The following OSBPL10 variants were observed in gnomAD, a reference collection of about 807,000 sequenced individuals.
OSBPL10 encodes oxysterol binding protein like 10, also known as oxysterol-binding protein-related protein 10.
A neutral mutation model predicts 81.7 loss-of-function variants in OSBPL10; 49 were observed. The observed-to-expected ratio is 0.60, with a 90% CI of 0.48 to 0.76. The LOEUF is 0.76. OSBPL10 is among the 30% of genes least tolerant of loss of function. OSBPL10 has a pLI of 0.00. For synonymous variants in OSBPL10, 419 were observed against 383.6 expected (o/e 1.09, Z -1.08); for missense variants, 923 against 987.8 (o/e 0.93, Z 0.88).
chr3:31,944,121 A>G (rs771097947), intron 1 of OSBPL10, among the ~76,000 whole-genome samples: 1 of 152,134 alleles, frequency 6.6e-6, no homozygotes, highest in Non-Finnish European at 1.5e-5. Flanking sequence ...CACAGCAATG[A>G]ACATTTTCAT....
intron 4 of OSBPL10, among the ~76,000 whole-genome samples, chr3:31,787,594 C>CAAA (rs34814978): frequency 1.6e-5 from 2 of 126,136 alleles, no homozygotes; most frequent in African/African-American, 3.0e-5. Flanking sequence ...GACTCCGCCT[C>CAAA]AAAAAAAAAA....
At position 32,067,854 on chromosome 3, in the gene OSBPL10, A is replaced by C. The variant is rs367785629; in HGVS notation, n.185+9542T>G. Among the ~76,000 whole-genome samples, 136 of 152,296 alleles carry C rather than the reference A, an allele frequency of 8.9e-4. 4 individuals are homozygous for C. The South Asian group carries it at 0.027, about 30-fold the overall frequency. On this transcript the variant is annotated intron_variant and non_coding_transcript_variant, in intron 1 of 3. Coordinates refer to the OSBPL10 transcript ENST00000479173. ...CTCTTTTCAGACTCAGCCTGCCTGC[A>C]CCCACATGAAATAAACAGTCTTGTT...
Position 32,065,959 on chromosome 3 carries a change from GA to G in OSBPL10, n.185+11436del, listed in dbSNP as rs1327880803. The stretch of plus-strand genomic sequence containing the variant: ...AAAGAAGAAAGAAGAAAGAAAGAAA[GA>G]AAGAAAGAAAGAAAGAAAGAAAGAA... On this transcript the variant is annotated intron_variant and non_coding_transcript_variant, in intron 1 of 3. Coordinates refer to the OSBPL10 transcript ENST00000479173. 4.3e-5 allele frequency among the ~76,000 whole-genome samples: 2 copies of G among 46,140 alleles called. 1 individual carries two copies. Among genetic ancestry groups the G allele is most frequent in the Non-Finnish European group, 1.1e-4 (2 of 18,174 alleles). 30.3% of individuals were successfully genotyped at this position (46,140 alleles called of 152,430 possible).
chr3:31,759,603 G>C (rs1249525463), intron 4 of OSBPL10, among the ~76,000 whole-genome samples: 1 of 152,014 alleles, frequency 6.6e-6, no homozygotes, highest in East Asian at 1.9e-4. Context: ...AACAACTTGA[G>C]GGCAGAAGAT....
At chr3:31,842,141 T>C (rs1700513793) in intron 3 of OSBPL10, among the ~76,000 whole-genome samples, 1 of 152,170 alleles carries the variant, frequency 6.6e-6, no homozygotes. Flanking sequence ...ACTTTAGAGC[T>C]AAAGACTGGT....
intron 6 of OSBPL10, among the ~76,000 whole-genome samples, chr3:31,723,059 C>T (rs1696698148): frequency 6.6e-6 from 1 of 152,168 alleles, no homozygotes. Flanking sequence ...GTTAGAGTTT[C>T]CTTCTCCTTC....
intron 3 of OSBPL10, among the ~76,000 whole-genome samples, chr3:31,856,628 C>T (rs766015625): frequency 1.6e-4 from 24 of 152,208 alleles, no homozygotes; most frequent in Admixed American, 3.3e-4. Context: ...GCACTTTATA[C>T]CTTCAGTCTC....
At chr3:31,854,594 T>C (rs1700860612) in intron 3 of OSBPL10, among the ~76,000 whole-genome samples, 3 of 152,308 alleles carry the variant, frequency 2.0e-5, no homozygotes, top group African/African-American at 7.2e-5. Context: ...ATACAATATA[T>C]AATTTTTAAA....
At chr3:31,768,024 C>T (rs771154777) in intron 4 of OSBPL10, among the ~76,000 whole-genome samples, 5 of 152,130 alleles carry the variant, frequency 3.3e-5, no homozygotes, top group Non-Finnish European at 4.4e-5. Flanking sequence ...ATGGTTATTT[C>T]TTGATCGTGC....
intron 5 of OSBPL10, among the ~76,000 whole-genome samples, chr3:31,745,281 T>C (rs1459707838): frequency 6.6e-6 from 1 of 152,200 alleles, no homozygotes; most frequent in Non-Finnish European, 1.5e-5. Context: ...GAGGAGAGTG[T>C]CCTTTTTTCA....
At chr3:31,663,523 A>G (rs1396101285) in intron 11 of OSBPL10, 1 of 998,500 alleles carries the variant, frequency 1.0e-6, no homozygotes, top group Non-Finnish European at 1.2e-6. Context: ...CCCAGATATT[A>G]TTTCTAGCTT....
intron 3 of OSBPL10, among the ~76,000 whole-genome samples, chr3:31,854,086 G>A (rs1700843594): frequency 6.6e-6 from 1 of 151,714 alleles, no homozygotes; most frequent in Non-Finnish European, 1.5e-5. Flanking sequence ...ATAAAATATT[G>A]GTCAAGGTCA....
At chr3:31,830,893 T>C (rs1700223963) in intron 3 of OSBPL10, among the ~76,000 whole-genome samples, 1 of 152,180 alleles carries the variant, frequency 6.6e-6, no homozygotes, top group African/African-American at 2.4e-5. Flanking sequence ...TAATATATAA[T>C]CCAAATTACA....
intron 1 of OSBPL10, among the ~76,000 whole-genome samples, chr3:31,937,858 G>A (rs149815061): frequency 7.6e-4 from 116 of 152,098 alleles, no homozygotes; most frequent in African/African-American, 1.7e-3. Context: ...TATCTCATTC[G>A]CTGAAGACCT....
At chr3:31,966,083 T>C (rs1698392807) in intron 1 of OSBPL10, among the ~76,000 whole-genome samples, 1 of 145,638 alleles carries the variant, frequency 6.9e-6, no homozygotes, top group African/African-American at 2.6e-5. Context: ...TTGCTTGAGG[T>C]CAGGAGTTTG....
At chr3:31,840,362 C>T (rs1700461704) in intron 3 of OSBPL10, among the ~76,000 whole-genome samples, 1 of 152,208 alleles carries the variant, frequency 6.6e-6, no homozygotes, top group South Asian at 2.1e-4. Context: ...AGATCATTAT[C>T]TCCTTCCCAA....
chr3:31,830,526 C>T (rs533861208), intron 3 of OSBPL10, among the ~76,000 whole-genome samples: 59 of 152,258 alleles, frequency 3.9e-4, no homozygotes, highest in Admixed American at 7.2e-4. Context: ...ACACCATGGA[C>T]GCTCATGGAG....
chr3:32,046,245 A>T (rs1422949971), intron 2 of OSBPL10, among the ~76,000 whole-genome samples: 5 of 152,186 alleles, frequency 3.3e-5, no homozygotes, highest in African/African-American at 1.2e-4. Context: ...TAAAAGAAAA[A>T]TGGGGTCCTT....
In OSBPL10 at chr3:32,020,232, T is replaced by G. The variant is rs143359916; in HGVS notation, n.298+26259A>C. 9.5e-3 allele frequency among the ~76,000 whole-genome samples: 1,445 copies of G among 152,348 alleles called. 27 individuals are homozygous for G. The highest frequency in any genetic ancestry group is 0.033 in the African/African-American group (1,358 of 41,578). On this transcript the variant is annotated intron_variant and non_coding_transcript_variant, in intron 2 of 3. Transcript: ENST00000479173. ...CAATTCATGACTTTTAGAATCTGTA[T>G]AGTTGTACAATCGTCACCACATTCC...
Sources: gnomAD v4.1 joint callset for allele counts (sites outside exome capture counted in the v4.1 genomes callset) on GRCh38, gnomAD v4.1.1 for gene constraint, MANE v1.5 for transcripts, NCBI Gene and HGNC (gene_info 2026-07-23, HGNC 2026-07-21) for gene names.